The following CCDC136 variants were observed in gnomAD, a reference collection of about 807,000 sequenced individuals.
The protein encoded by CCDC136 is coiled-coil domain containing 136.
In CCDC136, 100 loss-of-function variants were observed where a neutral mutation model predicts 141.2. That is an observed-to-expected ratio of 0.71 (90% CI 0.60 to 0.84). The LOEUF (loss-of-function observed/expected upper bound fraction) is 0.84, where lower values mean the gene tolerates loss of function less well. Ranked by LOEUF, CCDC136 falls within the 40% of genes least tolerant of loss-of-function variation. The probability of loss-of-function intolerance (pLI) is 0.00; values close to 1 mark genes in which losing one functional copy is unlikely to be tolerated. For missense variants in CCDC136, 1,206 were observed against 1,379.4 expected, an observed-to-expected ratio of 0.87 and a Z score of 1.99; for synonymous variants, 474 against 531.9, an observed-to-expected ratio of 0.89 and a Z score of 1.50.
chr7:128,804,732 G>C lies in CCDC136; in HGVS notation c.753G>C (p.Thr251=). The part of the protein sequence containing the change: ...RALQESNSSL[T]GQLADLESER... ...TGCAGGAGAGCAACAGCAGCCTCAC[G>C]GGGCAGCTTGCAGATCTGGAGAGTG... The change falls in exon 5 of 18, where the codon ACG becomes ACC. Residue 251 remains threonine, a synonymous_variant. Coordinates refer to ENST00000297788, the MANE Select transcript of CCDC136 (RefSeq NM_022742.5). 1 of 1,599,898 alleles carries C rather than the reference G, an allele frequency of 6.3e-7. No homozygotes were observed. Among genetic ancestry groups the C allele is most frequent in the Non-Finnish European group, 8.5e-7 (1 of 1,173,294 alleles).
Position 128,817,629 on chromosome 7 carries a change from T to G in CCDC136, c.3364-129T>G. On this transcript the variant is annotated intron_variant, in intron 16 of 17. Coordinates refer to ENST00000297788, the MANE Select transcript of CCDC136 (RefSeq NM_022742.5). This position sits in a 1 kb window ranked among gnomAD's most constrained non-coding sequence, Gnocchi z 4.6. ...ATGCAACTGCTCTAGCTTACCTGTTTTTTAACCTCTTGATTCCTTTCTCTT... is the reference window on the plus strand; with the variant it reads ...ATGCAACTGCTCTAGCTTACCTGTTGTTTAACCTCTTGATTCCTTTCTCTT... The G allele has an allele frequency of 1.2e-6, 1 of 813,874 alleles. No homozygotes were observed. The highest frequency in any genetic ancestry group is 2.2e-6 in the Non-Finnish European group (1 of 458,696). The allele number at this position is 813,874 out of a possible 1,614,324, so 50.4% of individuals were successfully genotyped here.
At chr7:128,809,337 C>A in intron 10 of CCDC136, 113 bp from the exon 11 acceptor site, 1 of 737,000 alleles carries the variant, frequency 1.4e-6, no homozygotes, top group South Asian at 1.8e-5. Flanking sequence ...TCCAAGGTGA[C>A]TGCACAGGGA....
In CCDC136 at chr7:128,792,264, C is replaced by A. The variant is rs1802285188; in HGVS notation, c.-148C>A. ...GACATGTCCCCTTCTTTCCTCTGCA[C>A]CCCAGCCCGCAGCCAGCCCCCCACC... On this transcript the variant is annotated 5_prime_UTR_variant, in exon 1 of 18. Coordinates refer to ENST00000297788, the MANE Select transcript of CCDC136 (RefSeq NM_022742.5). 6 of 1,536,294 alleles carry A rather than the reference C, an allele frequency of 3.9e-6. No homozygotes were observed. In the South Asian group the frequency reaches 7.2e-5, roughly 18 times the overall value.
In CCDC136 at chr7:128,817,955, G is replaced by T; in HGVS notation, c.*5+91G>T. On this transcript the variant is annotated intron_variant, in intron 17 of 17. Transcript: ENST00000297788. The surrounding 1 kb of genome is among the most constrained non-coding windows in gnomAD (Gnocchi z 4.6). ...TCTTTCCCTTTTCTCCCAGCTGCTT[G>T]CTTCTTGCTTGTGCCATTTTATAAT... is the stretch of plus-strand genomic sequence containing the variant. 1 of 954,468 alleles carries T rather than the reference G, an allele frequency of 1.0e-6. No individual in the cohort carries two copies. Among genetic ancestry groups the T allele is most frequent in the Non-Finnish European group, 1.6e-6 (1 of 608,672 alleles). The allele number at this position is 954,468 out of a possible 1,614,324, so 59.1% of individuals were successfully genotyped here. A position where few individuals can be genotyped will look rare whatever the true frequency, so the allele number is the denominator to read the frequency against.
rs1802651916 is a variant in CCDC136 at position 128,794,477 on chromosome 7, G to A, written c.146G>A (p.Arg49Gln). 3.3e-5 allele frequency: 51 copies of A among 1,552,262 alleles called. No individual in the cohort carries two copies. The highest frequency in any genetic ancestry group is 4.4e-5 in the Non-Finnish European group (50 of 1,147,222). ...GGCTCTCTGTCAGTCAACAAGCACC[G>A]GGGACTGAGCCTCACGGAGACAGAG... ...SVGSLSVNKH[R>Q]GLSLTETELE... Residue 49 changes from arginine (R) to glutamine (Q), a missense_variant, in exon 2 of 18, where the codon CGG (arginine) becomes CAG (glutamine). Coordinates refer to ENST00000297788, the MANE Select transcript of CCDC136 (RefSeq NM_022742.5). The surrounding 1 kb of genome is among the most constrained non-coding windows in gnomAD (Gnocchi z 4.3).
rs778593360 is a variant in CCDC136 at position 128,810,101 on chromosome 7, C to T, written c.1801-38C>T. 5 of 1,328,044 alleles carry T rather than the reference C, an allele frequency of 3.8e-6. No individual in the cohort carries two copies. The South Asian group carries it at 5.3e-5, about 14-fold the overall frequency. The allele number at this position is 1,328,044 out of a possible 1,614,324, so 82.3% of individuals were successfully genotyped here. The stretch of plus-strand genomic sequence containing the variant: ...AGGCATCAGACTTCCTGTGTGACCA[C>T]CACCATCCCTTGCCTCCTTCCTTCT... On this transcript the variant is annotated intron_variant, in intron 11 of 17. Transcript: ENST00000297788.
intron 3 of CCDC136, among the ~76,000 whole-genome samples, chr7:128,795,674 G>A (rs1802840964): frequency 6.6e-6 from 1 of 152,042 alleles, no homozygotes; most frequent in Admixed American, 6.5e-5. Flanking sequence ...CATTGATCTG[G>A]GATGACCTAG....
At position 128,812,881 on chromosome 7, in the gene CCDC136, C is replaced by T. The variant is rs1198944330; in HGVS notation, c.2715C>T (p.Cys905=). The T allele has an allele frequency of 1.9e-6, 3 of 1,612,398 alleles. No homozygotes were observed. The East Asian group carries it at 6.7e-5, about 36-fold the overall frequency. ...CCTGTGAAAGGGAGTTCAAGGAGTG[C>T]ATGGAATGCCTTGAAAAGCCCATGG... ...LDACEREFKE[C]MECLEKPMAP... is the part of the protein sequence containing the mutation. Residue 905 remains cysteine, a synonymous_variant, in exon 14 of 18, where the codon TGC becomes TGT. Transcript: ENST00000297788.
intron 7 of CCDC136, 52 bp from the exon 8 acceptor site, chr7:128,806,185 G>T: frequency 6.9e-7 from 1 of 1,459,364 alleles, no homozygotes; most frequent in South Asian, 1.4e-5. Context: ...TCCGTAGAAA[G>T]ACCTGCTGTT....
intron 1 of CCDC136, among the ~76,000 whole-genome samples, chr7:128,793,007 G>T (rs55681138): frequency 0.34 from 52,244 of 152,116 alleles, 11,189 homozygotes; most frequent in African/African-American, 0.58. Flanking sequence ...TGGTCCATTT[G>T]CCAGTACTTC....
In CCDC136 at chr7:128,794,217, G is replaced by A; in HGVS notation, c.17-131G>A. The A allele has an allele frequency of 7.8e-7, 1 of 1,282,356 alleles. No individual in the cohort carries two copies. The highest frequency in any genetic ancestry group is 1.3e-5 in the South Asian group (1 of 78,050). The allele number at this position is 1,282,356 out of a possible 1,614,324, so 79.4% of individuals were successfully genotyped here. A position where few individuals can be genotyped will look rare whatever the true frequency, so the allele number is the denominator to read the frequency against. ...CATCTTGAGTACAGGTCTTGCCCCG[G>A]GGCTCCTTGGGGGACACCAGGTGGC... On this transcript the variant is annotated intron_variant, in intron 1 of 17. Transcript: ENST00000297788. This position sits in a 1 kb window ranked among gnomAD's most constrained non-coding sequence, Gnocchi z 4.3.
chr7:128,809,710 AG>A, intron 11 of CCDC136, 66 bp downstream of exon 11: 1 of 1,207,036 alleles, frequency 8.3e-7, no homozygotes. Flanking sequence ...CTGTGTGACT[AG>A]GGAAAAATAA....
At chr7:128,810,090 C>T in intron 11 of CCDC136, 49 bp from the exon 12 acceptor site, 1 of 1,185,316 alleles carries the variant, frequency 8.4e-7, no homozygotes, top group Non-Finnish European at 1.2e-6. Context: ...ATCAGACTTC[C>T]TGTGTGACCA....
rs759528417 is a variant in CCDC136, at chr7:128,805,774, G to C, written c.962G>C (p.Cys321Ser). 16 of 1,612,398 alleles carry C rather than the reference G, an allele frequency of 9.9e-6. No homozygotes were observed. The Admixed American group carries it at 2.7e-4, about 27-fold the overall frequency. Residue 321 changes from cysteine (C) to serine (S), a missense_variant, in exon 7 of 18, where the codon TGT (cysteine) becomes TCT (serine). Cys to Ser is a moderately radical substitution (Grantham distance 112). Transcript: ENST00000297788. This position sits in a 1 kb window ranked among gnomAD's most constrained non-coding sequence, Gnocchi z 4.6. ...TTTCCCACATAGTGTCAGGAATTGTGTTGTGAGTTGGAAGAGCTACAGCAT... is the reference window on the plus strand; with the variant it reads ...TTTCCCACATAGTGTCAGGAATTGTCTTGTGAGTTGGAAGAGCTACAGCAT... ...HGMKNKCQEL[C>S]CELEELQHHR...
chr7:128,805,946 C>G lies in CCDC136; in HGVS notation c.1089+45C>G. On this transcript the variant is annotated intron_variant, in intron 7 of 17. Coordinates refer to ENST00000297788, the MANE Select transcript of CCDC136 (RefSeq NM_022742.5). The surrounding 1 kb of genome is among the most constrained non-coding windows in gnomAD (Gnocchi z 4.6). ...GCATCTGGGGTGGGGGCAGAAGGGCCTCATGGAGGGGCTGCTTCAACCGGG... is the reference window on the plus strand; with the variant it reads ...GCATCTGGGGTGGGGGCAGAAGGGCGTCATGGAGGGGCTGCTTCAACCGGG... 37 of 1,608,552 alleles carry G rather than the reference C, an allele frequency of 2.3e-5. No homozygotes were observed. The highest frequency in any genetic ancestry group is 3.1e-5 in the Non-Finnish European group (36 of 1,176,586).
chr7:128,813,783 C>T lies in CCDC136; in HGVS notation c.2763+854C>T, dbSNP rs552046854. On this transcript the variant is annotated intron_variant, in intron 14 of 17. Transcript: ENST00000297788. ...ATCACTTGAGGTCAGGAGTTTGAGA[C>T]CAGCCTGGCCAACTTGGAGAAACCC... is the stretch of plus-strand genomic sequence containing the variant. Among the ~76,000 whole-genome samples, 4 of 152,196 alleles carry T rather than the reference C, an allele frequency of 2.6e-5. No individual in the cohort carries two copies. In the South Asian group the frequency reaches 8.3e-4, roughly 32 times the overall value.
intron 3 of CCDC136, among the ~76,000 whole-genome samples, chr7:128,799,023 C>G (rs141934585): frequency 0.011 from 1,675 of 151,728 alleles, 16 homozygotes; most frequent in African/African-American, 0.031. Context: ...AGTCTAGATT[C>G]TATTCTAATT....
rs1260730002 is a variant in CCDC136, at chr7:128,810,274, C to A, written c.1936C>A (p.Leu646Met). The change falls in exon 12 of 18, where the codon CTG becomes ATG. Residue 646 changes from leucine (L) to methionine (M), a missense_variant. Physicochemically the swap from Leu to Met is conservative, Grantham distance 15. Coordinates refer to ENST00000297788, the MANE Select transcript of CCDC136 (RefSeq NM_022742.5). The stretch of plus-strand genomic sequence containing the variant: ...AGAACAATTAGAGATCCACGAAGAG[C>A]TGCGACGTTTCAAAGAGTCTCATTT... Reference protein sequence around the residue: ...LKEQLEIHEELRRFKESHFQE... With the variant: ...LKEQLEIHEEMRRFKESHFQE... 1 of 1,613,924 alleles carries A rather than the reference C, an allele frequency of 6.2e-7. No homozygotes were observed. Among genetic ancestry groups the A allele is most frequent in the East Asian group, 2.2e-5 (1 of 44,892 alleles).
rs996652241 is a variant in CCDC136, at chr7:128,794,297, G to A, written c.17-51G>A. The stretch of plus-strand genomic sequence containing the variant: ...TGAGTTTGAGGGCCCTGGAAGGACG[G>A]CAGAAAGGAAGTTGATGCTGACTCC... On this transcript the variant is annotated intron_variant, in intron 1 of 17. Transcript: ENST00000297788. The surrounding 1 kb of genome is among the most constrained non-coding windows in gnomAD (Gnocchi z 4.3). 1 of 1,551,046 alleles carries A rather than the reference G, an allele frequency of 6.4e-7. No homozygotes were observed. The highest frequency in any genetic ancestry group is 2.4e-5 in the East Asian group (1 of 40,938).
Sources: gnomAD v4.1 joint callset for allele counts (sites outside exome capture counted in the v4.1 genomes callset) on GRCh38, gnomAD v4.1.1 for gene constraint, Gnocchi (gnomAD v3.1) non-coding constraint, MANE v1.5 for transcripts, NCBI Gene and HGNC (gene_info 2026-07-23, HGNC 2026-07-21) for gene names.